The following GRID2IP variants were observed in gnomAD, a reference collection of about 807,000 sequenced individuals.
GRID2IP encodes delphilin.
Under a neutral mutation model 114.3 loss-of-function variants are expected in GRID2IP, and 78 were observed. That is an observed-to-expected ratio of 0.68 (90% CI 0.57 to 0.82). The LOEUF (loss-of-function observed/expected upper bound fraction) is 0.82, where lower values mean the gene tolerates loss of function less well. Among genes scored for constraint, GRID2IP ranks in the 40% least tolerant of loss-of-function variants. The pLI is 0.00. For synonymous variants in GRID2IP, 809 were observed against 724.0 expected, an observed-to-expected ratio of 1.12 and a Z score of -1.89; for missense variants, 1,727 against 1,678.5, an observed-to-expected ratio of 1.03 and a Z score of -0.51.
rs200617755 is a variant in GRID2IP at position 6,516,467 on chromosome 7, AAG to A, written c.1269-1940_1269-1939del. 0.023 allele frequency among the ~76,000 whole-genome samples: 3,545 copies of A among 152,202 alleles called. 55 individuals are homozygous for A. The highest frequency in any genetic ancestry group is 0.032 in the Non-Finnish European group (2,151 of 68,004). The stretch of plus-strand genomic sequence containing the variant: ...ACACGGTGAGAAGTGACCAAAAGAC[AAG>A]AGTGTGAGCCCTCCGTTATGCCTGG... On this transcript the variant is annotated intron_variant, in intron 7 of 21. Transcript: ENST00000457091. The surrounding 1 kb of genome is among the most constrained non-coding windows in gnomAD (Gnocchi z 4.3).
At chr7:6,535,020 G>C (rs1322881699) in intron 2 of GRID2IP, among the ~76,000 whole-genome samples, 2 of 152,210 alleles carry the variant, frequency 1.3e-5, no homozygotes, top group Non-Finnish European at 2.9e-5. Flanking sequence ...CGAGTAGCTG[G>C]GATTACAGGC....
chr7:6,531,054 G>T, intron 2 of GRID2IP: 1 of 643,250 alleles, frequency 1.6e-6, no homozygotes, highest in Non-Finnish European at 2.8e-6. Flanking sequence ...CGCGGGACGC[G>T]ATGGGGAAGC....
At chr7:6,529,325 C>CCTGT (rs1434075027) in intron 2 of GRID2IP, among the ~76,000 whole-genome samples, 1 of 152,122 alleles carries the variant, frequency 6.6e-6, no homozygotes, top group African/African-American at 2.4e-5. Flanking sequence ...GTAGTGCACT[C>CCTGT]CTGTAATCCC....
chr7:6,516,636 G>A lies in GRID2IP; in HGVS notation c.1269-2107C>T, dbSNP rs893426872. ...CTGCTCCACCACTGCTTGCCCGCCCGCAGCCACCCAGAGGCCTAACGCTGT... is the reference window on the plus strand; with the variant it reads ...CTGCTCCACCACTGCTTGCCCGCCCACAGCCACCCAGAGGCCTAACGCTGT... On this transcript the variant is annotated intron_variant, in intron 7 of 21. Transcript: ENST00000457091. This position sits in a 1 kb window ranked among gnomAD's most constrained non-coding sequence, Gnocchi z 4.3. 2.0e-5 allele frequency among the ~76,000 whole-genome samples: 3 copies of A among 152,088 alleles called. No homozygotes were observed. The highest frequency in any genetic ancestry group is 1.5e-5 in the Non-Finnish European group (1 of 68,028).
chr7:6,503,215 GC>G, intron 16 of GRID2IP, 52 bp from the exon 17 acceptor site: 2 of 571,842 alleles, frequency 3.5e-6, no homozygotes, highest in Non-Finnish European at 2.8e-6. Flanking sequence ...GGGACCCTCT[GC>G]CCCACCGCAG....
At position 6,520,727 on chromosome 7, in the gene GRID2IP, C is replaced by A; in HGVS notation, c.1119G>T (p.Ser373=). 1 of 1,551,554 alleles carries A rather than the reference C, an allele frequency of 6.4e-7. No homozygotes were observed. The highest frequency in any genetic ancestry group is 8.7e-7 in the Non-Finnish European group (1 of 1,146,916). ...CCACCCACTGCAGGGAGGTGAGCGC[C>A]GACGACGGGTTGGGTGAGTCCAGAG... ...SDSLDSPNPS[S]ALTSLQWVAE... is the part of the protein sequence containing the mutation. The change falls in exon 7 of 22, where the codon TCG becomes TCT. Residue 373 remains serine (S), a synonymous_variant. Transcript: ENST00000457091. This position sits in a 1 kb window ranked among gnomAD's most constrained non-coding sequence, Gnocchi z 4.6.
intron 2 of GRID2IP, among the ~76,000 whole-genome samples, chr7:6,531,902 T>G (rs1315606596): frequency 1.3e-5 from 2 of 151,588 alleles, no homozygotes; most frequent in African/African-American, 4.9e-5. Context: ...GGAGGTGGAG[T>G]GTCTGAGGCC....
rs1461983429 is a variant in GRID2IP at position 6,498,096 on chromosome 7, C to T, written c.3532G>A (p.Gly1178Ser). 7.1e-6 allele frequency: 11 copies of T among 1,551,370 alleles called. No individual in the cohort carries two copies. Among genetic ancestry groups the T allele is most frequent in the African/African-American group, 1.4e-5 (1 of 73,044 alleles). The change falls in exon 21 of 22, where the codon GGC (glycine) becomes AGC (serine). Residue 1178 changes from glycine to serine, a missense_variant. By Grantham distance (56) the Gly-to-Ser change is moderately conservative (BLOSUM62 0). Transcript: ENST00000457091. ...TTGCTCATGAACTCTGCAAAGATGCCGAAGAAAGCCTCAGAGGTGGTGGCC... is the reference window on the plus strand; with the variant it reads ...TTGCTCATGAACTCTGCAAAGATGCTGAAGAAAGCCTCAGAGGTGGTGGCC... Reference protein sequence around the residue: ...SKATTSEAFFGIFAEFMSKFE... With the variant: ...SKATTSEAFFSIFAEFMSKFE...
rs538805576 is a variant in GRID2IP at position 6,516,568 on chromosome 7, C to A, written c.1269-2039G>T. Among the ~76,000 whole-genome samples the A allele has an allele frequency of 1.3e-5, 2 of 151,974 alleles. No individual in the cohort carries two copies. Among genetic ancestry groups the A allele is most frequent in the Admixed American group, 6.6e-5 (1 of 15,238 alleles). ...GGAAGGCACCCGTTGCTTAGCAGAC[C>A]GGGAAAGGGAGTCTCCCTTTCCTGG... On this transcript the variant is annotated intron_variant, in intron 7 of 21. Transcript: ENST00000457091. This position sits in a 1 kb window ranked among gnomAD's most constrained non-coding sequence, Gnocchi z 4.3.
Position 6,513,730 on chromosome 7 carries a change from T to C in GRID2IP, c.1423+645A>G, listed in dbSNP as rs376990911. Among the ~76,000 whole-genome samples the C allele has an allele frequency of 5.0e-4, 76 of 152,182 alleles. No individual in the cohort carries two copies. In the East Asian group the frequency reaches 0.012, roughly 25 times the overall value. On this transcript the variant is annotated intron_variant, in intron 8 of 21. Coordinates refer to ENST00000457091, the MANE Select transcript of GRID2IP (RefSeq NM_001145118.2). ...GTGGGCCTAGCCCTGGTGTATTGGG[T>C]GTGTACGTGCATGGCTGTGGACACT...
chr7:6,502,247 C>G, intron 18 of GRID2IP, 129 bp from the exon 19 acceptor site: 1 of 826,486 alleles, frequency 1.2e-6, no homozygotes, highest in East Asian at 2.7e-5. Flanking sequence ...TTTTTAATAG[C>G]AGGGTCTTGC....
intron 2 of GRID2IP, chr7:6,531,091 G>C: frequency 1.8e-6 from 1 of 569,254 alleles, no homozygotes; most frequent in Non-Finnish European, 3.1e-6. Context: ...AGAAGCCCTG[G>C]TCCTTCCCCA....
chr7:6,520,538 C>T lies in GRID2IP; in HGVS notation c.1268+40G>A. ...GTGAGTCTAGGCAGGACTTAGGGCCCACCCAGGGCAGGGCCCCACCGCGGC... is the reference window on the plus strand; with the variant it reads ...GTGAGTCTAGGCAGGACTTAGGGCCTACCCAGGGCAGGGCCCCACCGCGGC... On this transcript the variant is annotated intron_variant, in intron 7 of 21. Coordinates refer to ENST00000457091, the MANE Select transcript of GRID2IP (RefSeq NM_001145118.2). The surrounding 1 kb of genome is among the most constrained non-coding windows in gnomAD (Gnocchi z 4.6). 3 of 1,534,514 alleles carry T rather than the reference C, an allele frequency of 2.0e-6. No individual in the cohort carries two copies. In the South Asian group the frequency reaches 3.6e-5, roughly 18 times the overall value.
At chr7:6,530,000 A>T (rs1439961715) in intron 2 of GRID2IP, among the ~76,000 whole-genome samples, 2 of 140,354 alleles carry the variant, frequency 1.4e-5, no homozygotes, top group African/African-American at 2.6e-5. Flanking sequence ...GCTCTGTCAC[A>T]CAGGCTGGAG....
intron 15 of GRID2IP, among the ~76,000 whole-genome samples, chr7:6,504,040 G>A (rs939039066): frequency 1.3e-5 from 2 of 151,310 alleles, no homozygotes; most frequent in Admixed American, 6.6e-5. Flanking sequence ...GAATCTGAAG[G>A]GGCAGGGGAC....
chr7:6,518,114 C>A (rs912036931), intron 7 of GRID2IP, among the ~76,000 whole-genome samples: 2 of 151,422 alleles, frequency 1.3e-5, no homozygotes, highest in African/African-American at 4.9e-5. Context: ...CCTGTAGTCC[C>A]AACTACCTGG....
At chr7:6,544,229 TC>T (rs879839797) in intron 1 of GRID2IP, among the ~76,000 whole-genome samples, 2 of 152,262 alleles carry the variant, frequency 1.3e-5, no homozygotes, top group African/African-American at 2.4e-5. Flanking sequence ...GTCCTGCACA[TC>T]ATAGGCCCAT....
intron 2 of GRID2IP, among the ~76,000 whole-genome samples, chr7:6,538,960 G>T (rs1779772364): frequency 6.6e-6 from 1 of 152,180 alleles, no homozygotes; most frequent in South Asian, 2.1e-4. Context: ...GAGCACACAT[G>T]GTTTGTAGGG....
chr7:6,515,454 CTG>C (rs760581837), intron 7 of GRID2IP, among the ~76,000 whole-genome samples: 9 of 151,428 alleles, frequency 5.9e-5, no homozygotes, highest in Non-Finnish European at 8.8e-5. Context: ...GAGCAAGACT[CTG>C]TCTCAAAAAA....
Sources: allele counts gnomAD v4.1 joint callset (sites outside exome capture counted in the v4.1 genomes callset), GRCh38; gene constraint gnomAD v4.1.1; non-coding constraint Gnocchi (gnomAD v3.1); transcripts MANE v1.5; gene names NCBI Gene and HGNC (gene_info 2026-07-23, HGNC 2026-07-21).